VPS13B: variants seen among roughly 807,000 people sequenced by gnomAD.
The protein encoded by VPS13B is intermembrane lipid transfer protein VPS13B.
VPS13B carries 285 observed loss-of-function variants against 426.4 expected under a neutral mutation model. The ratio of observed to expected loss-of-function variants is 0.67; its 90% CI spans 0.61 to 0.74. The LOEUF is 0.74. Ranked by LOEUF, VPS13B falls within the 30% of genes least tolerant of loss-of-function variation. The pLI is 0.00. For synonymous variants in VPS13B, 1,676 were observed against 1,676.4 expected (o/e 1.00, Z 0.01); for missense variants, 4,537 against 4,782.6 (o/e 0.95, Z 1.51).
intron 43 of VPS13B, among the ~76,000 whole-genome samples, chr8:99,807,614 T>C (rs1048901262): frequency 1.3e-5 from 2 of 152,112 alleles, no homozygotes; most frequent in African/African-American, 2.4e-5. Flanking sequence ...TCTGGTACTT[T>C]TATGTTGTAG....
At chr8:99,776,410 C>T (rs2130666330) in intron 40 of VPS13B, among the ~76,000 whole-genome samples, 1 of 152,298 alleles carries the variant, frequency 6.6e-6, no homozygotes, top group East Asian at 1.9e-4. Flanking sequence ...TTAAGCAATT[C>T]TCCCACCTCA....
At chr8:99,496,797 C>G (rs184821197) in intron 25 of VPS13B, among the ~76,000 whole-genome samples, 9 of 152,110 alleles carry the variant, frequency 5.9e-5, no homozygotes, top group African/African-American at 2.2e-4. Flanking sequence ...ACTGTTATAA[C>G]AACATAAAAT....
chr8:99,511,516 T>C lies in VPS13B; in HGVS notation c.4633+4T>C, dbSNP rs1384867213. The C allele has an allele frequency of 1.9e-6, 3 of 1,610,090 alleles. No individual in the cohort carries two copies. The highest frequency in any genetic ancestry group is 1.7e-5 in the Admixed American group (1 of 59,362). ...GAAATGCAGCCAACTGTTGAAGGTA[T>C]TGTCTTCTGATTTTTTTTGTCTGAT... On this transcript the variant is annotated splice_donor_region_variant and intron_variant, in intron 29 of 61. Transcript: ENST00000357162.
intron 59 of VPS13B, among the ~76,000 whole-genome samples, chr8:99,869,851 T>C (rs896775625): frequency 2.0e-5 from 3 of 152,230 alleles, no homozygotes; most frequent in African/African-American, 7.2e-5. Flanking sequence ...TGACTATGCG[T>C]CGTTTGTAAA....
chr8:99,259,632 C>T (rs955333632), intron 17 of VPS13B, among the ~76,000 whole-genome samples: 3 of 152,034 alleles, frequency 2.0e-5, no homozygotes, highest in East Asian at 1.9e-4. Flanking sequence ...GGGTGCTTTC[C>T]TGGAGAATTT....
chr8:99,266,893 T>A (rs1006184562), intron 17 of VPS13B, among the ~76,000 whole-genome samples: 2 of 152,148 alleles, frequency 1.3e-5, no homozygotes, highest in African/African-American at 4.8e-5. Context: ...AATTACCCAG[T>A]CTTGGGTATT....
intron 52 of VPS13B, among the ~76,000 whole-genome samples, chr8:99,834,981 G>A (rs1186197262): frequency 1.3e-5 from 2 of 152,196 alleles, no homozygotes; most frequent in South Asian, 2.1e-4. Context: ...AGTTCTCTCT[G>A]GGTGATAGAA....
chr8:99,166,894 C>A (rs1010255265), intron 15 of VPS13B, among the ~76,000 whole-genome samples: 1 of 152,090 alleles, frequency 6.6e-6, no homozygotes, highest in African/African-American at 2.4e-5. Context: ...ATGCAGTGCC[C>A]AGCAATAAAC....
Position 99,836,642 on chromosome 8 carries a change from T to A in VPS13B, c.9942+904T>A, listed in dbSNP as rs373294862. Among the ~76,000 whole-genome samples, 778 of 152,330 alleles carry A rather than the reference T, an allele frequency of 5.1e-3. 4 individuals are homozygous for A. Among genetic ancestry groups the A allele is most frequent in the African/African-American group, 0.017 (689 of 41,564 alleles). On this transcript the variant is annotated intron_variant, in intron 54 of 61. Coordinates refer to ENST00000357162, the MANE Select transcript of VPS13B (RefSeq NM_152564.5). ...TGAATAATATTGTGCCATACTTTTTTAAAAAGTTCTTCCACATTTATTAGT... is the reference window on the plus strand; with the variant it reads ...TGAATAATATTGTGCCATACTTTTTAAAAAAGTTCTTCCACATTTATTAGT...
chr8:99,359,010 A>C (rs1163725244), intron 19 of VPS13B, among the ~76,000 whole-genome samples: 1 of 152,208 alleles, frequency 6.6e-6, no homozygotes, highest in East Asian at 1.9e-4. Context: ...TACAGAAATA[A>C]TGTTTTAAGA....
chr8:99,268,847 C>G (rs1033298446), intron 17 of VPS13B, among the ~76,000 whole-genome samples: 1 of 152,114 alleles, frequency 6.6e-6, no homozygotes, highest in Non-Finnish European at 1.5e-5. Context: ...CCACCCAAAT[C>G]TCATCTTGAA....
chr8:99,016,582 A>T, intron 2 of VPS13B, among the ~76,000 whole-genome samples: 1 of 133,038 alleles, frequency 7.5e-6, no homozygotes, highest in East Asian at 2.2e-4. Flanking sequence ...GATATATAGG[A>T]ATTCTTTTTT....
chr8:99,575,532 A>G (rs1825735111), intron 31 of VPS13B, 126 bp from the exon 32 acceptor site: 3 of 1,106,820 alleles, frequency 2.7e-6, no homozygotes, highest in Admixed American at 4.2e-5. Flanking sequence ...ATATGCAAAT[A>G]GGCACTCTCA....
At chr8:99,608,197 G>A (rs1025086734) in intron 33 of VPS13B, among the ~76,000 whole-genome samples, 1 of 146,820 alleles carries the variant, frequency 6.8e-6, no homozygotes, top group African/African-American at 2.5e-5. Flanking sequence ...TGCCCAGGCT[G>A]GAGTGCAGTG....
chr8:99,763,135 C>CAAAAAAAA (rs750289763), intron 39 of VPS13B, among the ~76,000 whole-genome samples: 20 of 35,836 alleles, frequency 5.6e-4, no homozygotes, highest in African/African-American at 2.5e-3. Flanking sequence ...GACCTTGTCT[C>CAAAAAAAA]AAAAAAAAAA....
At chr8:99,856,406 G>A (rs776772902) in intron 56 of VPS13B, among the ~76,000 whole-genome samples, 10 of 152,226 alleles carry the variant, frequency 6.6e-5, no homozygotes, top group Admixed American at 6.5e-5. Flanking sequence ...CATCCTTGTC[G>A]AGGGAAGGGA....
chr8:99,543,036 G>A (rs954268587), intron 30 of VPS13B, among the ~76,000 whole-genome samples: 2 of 152,116 alleles, frequency 1.3e-5, no homozygotes, highest in Non-Finnish European at 2.9e-5. Flanking sequence ...AAAGCTGGAG[G>A]CATCACACTA....
intron 3 of VPS13B, among the ~76,000 whole-genome samples, chr8:99,043,181 G>A (rs1388943986): frequency 6.6e-6 from 1 of 151,830 alleles, no homozygotes; most frequent in African/African-American, 2.4e-5. Context: ...TTTACATTTA[G>A]ATAGGATTTT....
At chr8:99,495,409 G>A (rs192340351) in intron 25 of VPS13B, among the ~76,000 whole-genome samples, 2 of 151,932 alleles carry the variant, frequency 1.3e-5, no homozygotes, top group Non-Finnish European at 2.9e-5. Flanking sequence ...ATCAGATCTG[G>A]TATCTGAACT....
Sources: gnomAD v4.1 joint callset for allele counts (sites outside exome capture counted in the v4.1 genomes callset) on GRCh38, gnomAD v4.1.1 for gene constraint, MANE v1.5 for transcripts, NCBI Gene and HGNC (gene_info 2026-07-23, HGNC 2026-07-21) for gene names.